Variants in PARN observed in about 807,000 individuals in gnomAD.
PARN encodes poly(A)-specific ribonuclease PARN.
A neutral mutation model predicts 102.8 loss-of-function variants in PARN; 71 were observed. That is an observed-to-expected ratio of 0.69 (90% CI 0.57 to 0.84). The LOEUF is 0.84. PARN is among the 40% of genes least tolerant of loss of function. The pLI is 0.00. For missense variants in PARN, 782 were observed against 760.9 expected, an observed-to-expected ratio of 1.03 and a Z score of -0.33; for synonymous variants, 261 against 252.9, an observed-to-expected ratio of 1.03 and a Z score of -0.30.
intron 7 of PARN, among the ~76,000 whole-genome samples, 155 bp downstream of exon 7, chr16:14,610,489 A>T (rs1052242967): frequency 1.1e-4 from 16 of 149,612 alleles, no homozygotes; most frequent in African/African-American, 2.0e-4. Flanking sequence ...AAAAAAAAAA[A>T]TTTTTTTTTT....
chr16:14,571,576 T>C lies in PARN; in HGVS notation c.1262+9298A>G, dbSNP rs540342226. ...AGTCCTGTTTACTGGATGTACACAG[T>C]GCATCATACAACATCTTCTATGCAA... On this transcript the variant is annotated intron_variant, in intron 18 of 23. Transcript: ENST00000437198. Among the ~76,000 whole-genome samples the C allele has an allele frequency of 2.1e-5, 3 of 141,856 alleles. No homozygotes were observed. The South Asian group carries it at 7.0e-4, about 33-fold the overall frequency. The allele number at this position is 141,856 out of a possible 152,430, so 93.1% of individuals were successfully genotyped here. A position where few individuals can be genotyped will look rare whatever the true frequency, so the allele number is the denominator to read the frequency against.
At chr16:14,552,955 AT>A (rs1373056475) in intron 20 of PARN, among the ~76,000 whole-genome samples, 2 of 151,932 alleles carry the variant, frequency 1.3e-5, no homozygotes, top group Non-Finnish European at 2.9e-5. Flanking sequence ...TCTCAAAAAA[AT>A]AATAATAATA....
chr16:14,533,574 A>G (rs1966477586), intron 21 of PARN, among the ~76,000 whole-genome samples: 1 of 151,882 alleles, frequency 6.6e-6, no homozygotes, highest in African/African-American at 2.4e-5. Context: ...CAGCTGCTCC[A>G]CTCCACGTGC....
chr16:14,613,825 G>A (rs1038786553), intron 6 of PARN, among the ~76,000 whole-genome samples: 2 of 152,104 alleles, frequency 1.3e-5, no homozygotes, highest in Admixed American at 6.6e-5. Context: ...TATGATACAC[G>A]GAGAAGAATA....
chr16:14,474,149 T>C (rs1277770454), intron 22 of PARN, among the ~76,000 whole-genome samples: 1 of 151,496 alleles, frequency 6.6e-6, no homozygotes, highest in Non-Finnish European at 1.5e-5. Context: ...TGGGCCACCA[T>C]GCCTGGCTAA....
Position 14,519,300 on chromosome 16 carries a change from G to A in PARN, c.1480+32721C>T, listed in dbSNP as rs1345242024. Reference sequence around the variant, plus strand: ...AGAGGAGAGAGGAAGGGAGGGGAGGGGAGGGAAGGGAAGGGGAGGGGAGGG... The same window carrying A: ...AGAGGAGAGAGGAAGGGAGGGGAGGAGAGGGAAGGGAAGGGGAGGGGAGGG... On this transcript the variant is annotated intron_variant, in intron 21 of 23. Transcript: ENST00000437198. Among the ~76,000 whole-genome samples the A allele has an allele frequency of 9.6e-5, 11 of 114,228 alleles. 1 individual carries two copies. Among genetic ancestry groups the A allele is most frequent in the Admixed American group, 1.8e-4 (2 of 11,306 alleles). 74.9% of individuals were successfully genotyped at this position (114,228 alleles called of 152,430 possible). A position where few individuals can be genotyped will look rare whatever the true frequency, so the allele number is the denominator to read the frequency against.
At chr16:14,540,680 G>C (rs1966804820) in intron 21 of PARN, among the ~76,000 whole-genome samples, 1 of 152,208 alleles carries the variant, frequency 6.6e-6, no homozygotes, top group Non-Finnish European at 1.5e-5. Context: ...GTAATACCAA[G>C]ATTTTAGGAG....
intron 23 of PARN, among the ~76,000 whole-genome samples, chr16:14,446,225 G>A (rs1961191968): frequency 6.6e-6 from 1 of 152,180 alleles, no homozygotes; most frequent in South Asian, 2.1e-4. Flanking sequence ...GAGAGGACAT[G>A]GGATTCAGCT....
chr16:14,473,109 A>G (rs1373310324), intron 22 of PARN, among the ~76,000 whole-genome samples: 1 of 152,244 alleles, frequency 6.6e-6, no homozygotes, highest in Non-Finnish European at 1.5e-5. Flanking sequence ...ATCAGGATAC[A>G]TTGTTCAAAG....
rs1836198354 is a variant in PARN at position 14,551,959 on chromosome 16, G to A, written c.1480+62C>T. On this transcript the variant is annotated intron_variant, in intron 21 of 23. Coordinates refer to ENST00000437198, the MANE Select transcript of PARN (RefSeq NM_002582.4). ...GAGCCCATAGCTTTTAAATTAAGGG[G>A]GCAGTGGGAGGGCAACCTCTCACTG... 3 of 1,005,356 alleles carry A rather than the reference G, an allele frequency of 3.0e-6. No homozygotes were observed. The South Asian group carries it at 4.0e-5, about 13-fold the overall frequency. The allele number at this position is 1,005,356 out of a possible 1,614,324, so 62.3% of individuals were successfully genotyped here. A position where few individuals can be genotyped will look rare whatever the true frequency, so the allele number is the denominator to read the frequency against.
intron 18 of PARN, among the ~76,000 whole-genome samples, chr16:14,562,872 T>A (rs958279431): frequency 1.4e-4 from 22 of 152,198 alleles, no homozygotes; most frequent in African/African-American, 5.1e-4. Flanking sequence ...ACAGATTATG[T>A]TAAGTACAAG....
chr16:14,536,436 T>C (rs1490712665), intron 21 of PARN, among the ~76,000 whole-genome samples: 1 of 152,222 alleles, frequency 6.6e-6, no homozygotes, highest in Non-Finnish European at 1.5e-5. Context: ...AAGAGCAAAC[T>C]GGCAGATTAA....
intron 18 of PARN, among the ~76,000 whole-genome samples, chr16:14,571,582 A>C (rs996391194): frequency 8.3e-6 from 1 of 121,208 alleles, no homozygotes; most frequent in Non-Finnish European, 1.7e-5. Context: ...ACAGTGCATC[A>C]TACAACATCT....
At chr16:14,483,298 C>T (rs1269594849) in intron 21 of PARN, among the ~76,000 whole-genome samples, 3 of 152,096 alleles carry the variant, frequency 2.0e-5, no homozygotes, top group South Asian at 2.1e-4. Context: ...TGAAGATCTC[C>T]GGTATGTCTG....
chr16:14,623,460 G>C (rs553329980), intron 5 of PARN, among the ~76,000 whole-genome samples: 51 of 151,748 alleles, frequency 3.4e-4, no homozygotes, highest in Middle Eastern at 3.4e-3. Context: ...GTCGTGGTGA[G>C]CCAAGATCGC....
At chr16:14,533,185 C>T (rs895343915) in intron 21 of PARN, among the ~76,000 whole-genome samples, 4 of 152,186 alleles carry the variant, frequency 2.6e-5, no homozygotes, top group Admixed American at 1.3e-4. Flanking sequence ...TGGCGGATCA[C>T]TCGCGGTTAG....
In PARN at chr16:14,435,977, G is replaced by A. The variant is rs1462308590; in HGVS notation, c.*740C>T. ...ACGCACACACGCTGCCGTACCCCGA[G>A]ACCGCCATCCAAACAAACGAACAGA... On this transcript the variant is annotated 3_prime_UTR_variant, in exon 24 of 24. Transcript: ENST00000437198. 6.6e-6 allele frequency: 1 copy of A among 150,782 alleles called. No homozygotes were observed. The highest frequency in any genetic ancestry group is 2.4e-5 in the African/African-American group (1 of 40,856). The allele number at this position is 150,782 out of a possible 1,614,324, so 9.3% of individuals were successfully genotyped here. A position where few individuals can be genotyped will look rare whatever the true frequency, so the allele number is the denominator to read the frequency against.
chr16:14,630,042 C>A (rs371974538), intron 1 of PARN, 65 bp downstream of exon 1: 2 of 1,445,168 alleles, frequency 1.4e-6, no homozygotes, highest in Non-Finnish European at 1.9e-6. Flanking sequence ...CGGCCATGGT[C>A]TCGGCCTAGC....
At chr16:14,524,459 G>C (rs1450951510) in intron 21 of PARN, among the ~76,000 whole-genome samples, 1 of 152,232 alleles carries the variant, frequency 6.6e-6, no homozygotes, top group East Asian at 1.9e-4. Flanking sequence ...AAGAGTGTTC[G>C]ATTTATCAAG....
Sources: gnomAD v4.1 joint callset for allele counts (sites outside exome capture counted in the v4.1 genomes callset) on GRCh38, gnomAD v4.1.1 for gene constraint, MANE v1.5 for transcripts, NCBI Gene and HGNC (gene_info 2026-07-23, HGNC 2026-07-21) for gene names.